Variants in GRIP1 observed in about 807,000 individuals in gnomAD.
GRIP1 encodes glutamate receptor-interacting protein 1.
In GRIP1, 45 loss-of-function variants were observed where a neutral mutation model predicts 129.9. That is an observed-to-expected ratio of 0.35 (90% CI 0.27 to 0.44). GRIP1 has a LOEUF of 0.44. Among genes scored for constraint, GRIP1 ranks in the 20% least tolerant of loss-of-function variants. GRIP1 has a pLI of 1.00. For synonymous variants in GRIP1, 530 were observed against 520.8 expected (o/e 1.02, Z -0.24); for missense variants, 1,196 against 1,396.8 (o/e 0.86, Z 2.29).
intron 23 of GRIP1, among the ~76,000 whole-genome samples, chr12:66,365,747 T>C (rs757182496): frequency 6.6e-5 from 10 of 152,208 alleles, no homozygotes; most frequent in Non-Finnish European, 1.0e-4. Context: ...TACAACCTTA[T>C]GTCTAGGGTG....
chr12:66,484,133 A>T (rs941431427), intron 7 of GRIP1, among the ~76,000 whole-genome samples: 1 of 152,176 alleles, frequency 6.6e-6, no homozygotes, highest in East Asian at 1.9e-4. Context: ...TGCTAGGATT[A>T]CAGGCGTGAG....
rs113474281 is a variant in GRIP1, at chr12:66,401,293, T to C, written c.1984+4990A>G. On this transcript the variant is annotated intron_variant, in intron 16 of 24. Coordinates refer to ENST00000359742, the MANE Select transcript of GRIP1 (RefSeq NM_001366722.1). Reference sequence around the variant, plus strand: ...GAGTTATTAAATATATTACCTCCTTTAGGCCAGGTGCGATGGCTCACACCT... The same window carrying C: ...GAGTTATTAAATATATTACCTCCTTCAGGCCAGGTGCGATGGCTCACACCT... Among the ~76,000 whole-genome samples, 1,153 of 152,114 alleles carry C rather than the reference T, an allele frequency of 7.6e-3. 12 individuals are homozygous for C. Among genetic ancestry groups the C allele is most frequent in the African/African-American group, 0.027 (1,120 of 41,516 alleles).
chr12:66,559,170 A>G (rs1388430484), intron 2 of GRIP1, among the ~76,000 whole-genome samples: 1 of 151,946 alleles, frequency 6.6e-6, no homozygotes, highest in East Asian at 1.9e-4. Context: ...AACAGGGTAT[A>G]GCAGGAACAT....
At chr12:66,404,638 T>C (rs2057124957) in intron 16 of GRIP1, among the ~76,000 whole-genome samples, 1 of 152,190 alleles carries the variant, frequency 6.6e-6, no homozygotes, top group African/African-American at 2.4e-5. Flanking sequence ...ATTTTAACTA[T>C]GTAATTTAAT....
chr12:66,969,522 C>A (rs146070020), intron 1 of GRIP1, among the ~76,000 whole-genome samples: 1 of 152,102 alleles, frequency 6.6e-6, no homozygotes, highest in African/African-American at 2.4e-5. Context: ...AATCCTCCCA[C>A]CTTAGCCTTT....
rs145962655 is a variant in GRIP1, at chr12:66,940,155, C to CGT, written c.58+128893_58+128894dup. Among the ~76,000 whole-genome samples the CGT allele has an allele frequency of 2.2e-3, 336 of 151,348 alleles. 2 individuals carry two copies. The highest frequency in any genetic ancestry group is 7.3e-3 in the African/African-American group (301 of 41,262). ...GATAACAATGATAACAACCTGTGTA[C>CGT]GTGTGTGTGTGTGTTTGGAGCTCAT... On this transcript the variant is annotated intron_variant, in intron 1 of 1. Transcript: ENST00000643019.
intron 1 of GRIP1, among the ~76,000 whole-genome samples, chr12:66,757,908 G>A (rs2037346833): frequency 6.6e-6 from 1 of 151,918 alleles, no homozygotes; most frequent in Admixed American, 6.6e-5. Flanking sequence ...TTGGTTGTTG[G>A]TAAATCCCCA....
At chr12:67,029,089 TGA>T (rs2042982049) in intron 1 of GRIP1, among the ~76,000 whole-genome samples, 1 of 151,998 alleles carries the variant, frequency 6.6e-6, no homozygotes. Flanking sequence ...GGCAAAATAG[TGA>T]GACTGTCTCT....
chr12:66,369,298 G>A (rs1378389477), intron 23 of GRIP1, among the ~76,000 whole-genome samples: 1 of 147,806 alleles, frequency 6.8e-6, no homozygotes, highest in East Asian at 2.0e-4. Context: ...CATTCATTAT[G>A]CCAGTAAGTG....
At chr12:66,976,272 G>T (rs1252959408) in intron 1 of GRIP1, among the ~76,000 whole-genome samples, 3 of 152,086 alleles carry the variant, frequency 2.0e-5, no homozygotes, top group Non-Finnish European at 4.4e-5. Flanking sequence ...TTTAATTTGT[G>T]ATCCTTTGAT....
intron 1 of GRIP1, among the ~76,000 whole-genome samples, chr12:66,903,501 A>ATTTTTT (rs1012731874): frequency 6.6e-6 from 1 of 151,934 alleles, no homozygotes; most frequent in African/African-American, 2.4e-5. Context: ...AAGATAAATT[A>ATTTTTT]TTTTTTAAAG....
chr12:66,901,045 T>A (rs2040836216), intron 1 of GRIP1, among the ~76,000 whole-genome samples: 1 of 152,224 alleles, frequency 6.6e-6, no homozygotes, highest in Non-Finnish European at 1.5e-5. Context: ...CCAGAATATT[T>A]AAATCAGCTG....
intron 1 of GRIP1, among the ~76,000 whole-genome samples, chr12:67,048,278 A>T (rs1734719663): frequency 6.6e-6 from 1 of 152,182 alleles, no homozygotes; most frequent in Non-Finnish European, 1.5e-5. Flanking sequence ...ATTGTTGCTT[A>T]TAACAACATA....
At chr12:66,690,908 G>A (rs1294237491) in intron 1 of GRIP1, among the ~76,000 whole-genome samples, 1 of 151,296 alleles carries the variant, frequency 6.6e-6, no homozygotes, top group Non-Finnish European at 1.5e-5. Flanking sequence ...AGTCCAGCCT[G>A]GGCAATAGAG....
chr12:66,878,442 A>G (rs964914294), intron 1 of GRIP1, among the ~76,000 whole-genome samples: 1 of 151,994 alleles, frequency 6.6e-6, no homozygotes. Context: ...AGGAAGAAGA[A>G]ATAACTGGAA....
chr12:66,406,707 G>T (rs1045925602), intron 15 of GRIP1, among the ~76,000 whole-genome samples: 1 of 152,150 alleles, frequency 6.6e-6, no homozygotes, highest in African/African-American at 2.4e-5. Context: ...CAATTCCTAG[G>T]AAGGGAGGTA....
intron 1 of GRIP1, among the ~76,000 whole-genome samples, chr12:66,823,729 A>T (rs1013928659): frequency 1.8e-5 from 2 of 111,276 alleles, no homozygotes; most frequent in African/African-American, 6.2e-5. Flanking sequence ...CAGGCCTGAG[A>T]ATCCTAGCAC....
intron 1 of GRIP1, among the ~76,000 whole-genome samples, chr12:66,955,653 G>A (rs1394636781): frequency 2.0e-5 from 3 of 151,922 alleles, no homozygotes; most frequent in Non-Finnish European, 4.4e-5. Flanking sequence ...GATTACAGGC[G>A]TGCATCACCA....
chr12:66,525,966 AC>A (rs1437929855), intron 5 of GRIP1, among the ~76,000 whole-genome samples: 1 of 152,148 alleles, frequency 6.6e-6, no homozygotes, highest in Non-Finnish European at 1.5e-5. Flanking sequence ...TAGGAATCCA[AC>A]TTACAAGGGT....
Sources: allele counts gnomAD v4.1 joint callset (sites outside exome capture counted in the v4.1 genomes callset), GRCh38; gene constraint gnomAD v4.1.1; transcripts MANE v1.5; gene names NCBI Gene and HGNC (gene_info 2026-07-23, HGNC 2026-07-21).